REG3A: variants seen among roughly 807,000 people sequenced by gnomAD.
The protein encoded by REG3A is regenerating family member 3 alpha.
A neutral mutation model predicts 20.5 loss-of-function variants in REG3A; 15 were observed. The observed-to-expected ratio is 0.73, with a 90% CI of 0.49 to 1.12. The LOEUF (loss-of-function observed/expected upper bound fraction) is 1.12. Ranked by LOEUF, REG3A falls within the 50% of genes most tolerant of loss-of-function variation. The probability of loss-of-function intolerance (pLI) is 0.00; values close to 1 mark genes in which losing one functional copy is unlikely to be tolerated. For missense variants in REG3A, 224 were observed against 213.1 expected (o/e 1.05, Z -0.32); for synonymous variants, 93 against 83.2 (o/e 1.12, Z -0.64).
At chr2:79,157,991 T>C (rs1673353660) in intron 4 of REG3A, among the ~76,000 whole-genome samples, 1 of 152,212 alleles carries the variant, frequency 6.6e-6, no homozygotes, top group Non-Finnish European at 1.5e-5. Flanking sequence ...GTCAGTTCTG[T>C]ATGGGGACAA....
In REG3A at chr2:79,159,410, T is replaced by C. The variant is rs746611738; in HGVS notation, c.-5A>G. 3.1e-6 allele frequency: 5 copies of C among 1,613,448 alleles called. No individual in the cohort carries two copies. The highest frequency in any genetic ancestry group is 3.3e-5 in the Admixed American group (2 of 59,918). ...CAGGGCCATGGGAGGCAGCATAGTG[T>C]CTGCGACTTGAGGAGGCAATCAGGA... On this transcript the variant is annotated 5_prime_UTR_variant, in exon 2 of 6. Transcript: ENST00000305165.
At chr2:79,159,114 A>C in intron 2 of REG3A, 1 of 600,286 alleles carries the variant, frequency 1.7e-6, no homozygotes, top group Non-Finnish European at 3.0e-6. Flanking sequence ...ATTAGAGTCC[A>C]CTGACTAAAT....
intron 1 of REG3A, 94 bp from the exon 2 acceptor site, chr2:79,159,533 G>A: frequency 1.2e-6 from 1 of 860,408 alleles, no homozygotes; most frequent in East Asian, 2.6e-5. Flanking sequence ...AGTGATCTTG[G>A]TCACATCCAT....
chr2:79,157,154 TGAGTC>T lies in REG3A; in HGVS notation c.*67_*71del. On this transcript the variant is annotated 3_prime_UTR_variant, in exon 6 of 6. Coordinates refer to ENST00000305165, the MANE Select transcript of REG3A (RefSeq NM_002580.3). Reference sequence around the variant, plus strand: ...ATTAAGCGAATATTCTCTTCCAGGGTGAGTCCTCACACTGGTCTCATGCCCATGAT... The same window carrying T: ...ATTAAGCGAATATTCTCTTCCAGGGTCTCACACTGGTCTCATGCCCATGAT... 6 of 1,154,824 alleles carry T rather than the reference TGAGTC, an allele frequency of 5.2e-6. No homozygotes were observed. The highest frequency in any genetic ancestry group is 1.9e-4 in the Middle Eastern group (1 of 5,144). 71.5% of individuals were successfully genotyped at this position (1,154,824 alleles called of 1,614,324 possible).
At chr2:79,158,486 G>T (rs1334409274) in intron 3 of REG3A, 23 bp from the exon 4 acceptor site, 3 of 1,613,616 alleles carry the variant, frequency 1.9e-6, no homozygotes, top group Non-Finnish European at 1.7e-6. Context: ...CAAAGAGAAT[G>T]AGAGGGAGCC....
intron 2 of REG3A, 93 bp downstream of exon 2, chr2:79,159,237 G>T: frequency 1.5e-6 from 2 of 1,360,292 alleles, no homozygotes; most frequent in Non-Finnish European, 2.1e-6. Context: ...TAGACACCAC[G>T]TCATTACCTC....
At position 79,159,025 on chromosome 2, in the gene REG3A, T is replaced by C. The variant is rs140820070; in HGVS notation, c.77-256A>G. 3.8e-5 allele frequency: 22 copies of C among 578,924 alleles called. No homozygotes were observed. In the East Asian group the frequency reaches 5.8e-4, roughly 15 times the overall value. 35.9% of individuals were successfully genotyped at this position (578,924 alleles called of 1,614,324 possible). Reference sequence around the variant, plus strand: ...CACTCTGGGCTGTCTCTACATTGGGTCCTCCAATCATTGTCCCTCCCCACA... The same window carrying C: ...CACTCTGGGCTGTCTCTACATTGGGCCCTCCAATCATTGTCCCTCCCCACA... On this transcript the variant is annotated intron_variant, in intron 2 of 5. Transcript: ENST00000305165.
In REG3A at chr2:79,158,669, T is replaced by A. The variant is rs1399918229; in HGVS notation, c.177A>T (p.Lys59Asn). The change falls in exon 3 of 6, where the codon AAA (lysine) becomes AAT (asparagine). Residue 59 changes from lysine to asparagine, a missense_variant. Lys to Asn is a moderately conservative substitution (Grantham distance 94). Transcript: ENST00000305165. ...SHCYALFLSP[K>N]SWTDADLACQ... ...CACTCACATCTGCATCTGTCCAGGATTTTGGTGACAAAAACAAGGCATAGC... is the reference window on the plus strand; with the variant it reads ...CACTCACATCTGCATCTGTCCAGGAATTTGGTGACAAAAACAAGGCATAGC... The A allele has an allele frequency of 1.2e-6, 2 of 1,614,006 alleles. No individual in the cohort carries two copies. Among genetic ancestry groups the A allele is most frequent in the South Asian group, 2.2e-5 (2 of 91,088 alleles).
At chr2:79,157,952 G>A (rs1673353010) in intron 4 of REG3A, among the ~76,000 whole-genome samples, 2 of 152,220 alleles carry the variant, frequency 1.3e-5, no homozygotes, top group Non-Finnish European at 2.9e-5. Context: ...TGTAGCATTT[G>A]TGATTAGCTT....
Position 79,157,020 on chromosome 2 carries a change from T to G in REG3A, c.*206A>C. ...AGACAAACAAGTGCAGACTAAAAAT[T>G]TTATTGCTCTTTAAAGCCTTAGGCC... On this transcript the variant is annotated 3_prime_UTR_variant, in exon 6 of 6. Coordinates refer to ENST00000305165, the MANE Select transcript of REG3A (RefSeq NM_002580.3). 1 of 587,616 alleles carries G rather than the reference T, an allele frequency of 1.7e-6. No homozygotes were observed. Among genetic ancestry groups the G allele is most frequent in the African/African-American group, 1.9e-5 (1 of 53,732 alleles). 36.4% of individuals were successfully genotyped at this position (587,616 alleles called of 1,614,324 possible). A position where few individuals can be genotyped will look rare whatever the true frequency, so the allele number is the denominator to read the frequency against.
At position 79,159,038 on chromosome 2, in the gene REG3A, G is replaced by A. The variant is rs897501239; in HGVS notation, c.77-269C>T. 5 of 575,704 alleles carry A rather than the reference G, an allele frequency of 8.7e-6. No homozygotes were observed. In the African/African-American group the frequency reaches 9.4e-5, roughly 11 times the overall value. 35.7% of individuals were successfully genotyped at this position (575,704 alleles called of 1,614,324 possible). A position where few individuals can be genotyped will look rare whatever the true frequency, so the allele number is the denominator to read the frequency against. On this transcript the variant is annotated intron_variant, in intron 2 of 5. Transcript: ENST00000305165. ...CTCTACATTGGGTCCTCCAATCATTGTCCCTCCCCACATCTCATTACTGAC... is the reference window on the plus strand; with the variant it reads ...CTCTACATTGGGTCCTCCAATCATTATCCCTCCCCACATCTCATTACTGAC...
At position 79,158,730 on chromosome 2, in the gene REG3A, C is replaced by T. The variant is rs139201953; in HGVS notation, c.116G>A (p.Arg39His). ...PQRELPSARI[R>H]CPKGSKAYGS... ...ATAGGCCTTGGAGCCTTTGGGACAG[C>T]GGATCCGTGCAGAGGGCAGTTCCCT... The change falls in exon 3 of 6, where the codon CGC becomes CAC. Residue 39 changes from arginine (R) to histidine (H), a missense_variant. Physicochemically the swap from Arg to His is conservative, Grantham distance 29. Coordinates refer to ENST00000305165, the MANE Select transcript of REG3A (RefSeq NM_002580.3). 37 of 1,613,698 alleles carry T rather than the reference C, an allele frequency of 2.3e-5. No individual in the cohort carries two copies. The highest frequency in any genetic ancestry group is 2.1e-4 in the African/African-American group (16 of 74,798).
At chr2:79,157,828 G>A (rs776431521) in intron 4 of REG3A, 130 bp from the exon 5 acceptor site, 244 of 1,186,202 alleles carry the variant, frequency 2.1e-4, no homozygotes, top group Non-Finnish European at 2.5e-4. Flanking sequence ...AGATGCTGCC[G>A]GTGAGTAGGA....
rs771521067 is a variant in REG3A, at chr2:79,157,244, G to T, written c.510C>A (p.Val170=). 1 of 1,613,998 alleles carries T rather than the reference G, an allele frequency of 6.2e-7. No individual in the cohort carries two copies. Among genetic ancestry groups the T allele is most frequent in the Non-Finnish European group, 8.5e-7 (1 of 1,179,876 alleles). The change falls in exon 6 of 6, where the codon GTC becomes GTA. Residue 170 remains valine, a synonymous_variant. Coordinates refer to ENST00000305165, the MANE Select transcript of REG3A (RefSeq NM_002580.3). ...TCCTGCACTAGTCAGTGAACTTGCAGACATAGGGTAACCTCACATTACAGT... is the reference window on the plus strand; with the variant it reads ...TCCTGCACTAGTCAGTGAACTTGCATACATAGGGTAACCTCACATTACAGT... The part of the protein sequence containing the change: ...DYNCNVRLPY[V]CKFTD
intron 4 of REG3A, among the ~76,000 whole-genome samples, chr2:79,158,050 A>T (rs1270165385): frequency 6.6e-6 from 1 of 152,246 alleles, no homozygotes; most frequent in African/African-American, 2.4e-5. Flanking sequence ...GTAGGCAAAG[A>T]CTCCATGAAG....
intron 5 of REG3A, 123 bp downstream of exon 5, chr2:79,157,449 G>C: frequency 6.8e-7 from 1 of 1,469,404 alleles, no homozygotes; most frequent in Non-Finnish European, 9.4e-7. Context: ...GGAGAAGAGA[G>C]GAGATAAGAG....
chr2:79,159,013 C>T lies in REG3A; in HGVS notation c.77-244G>A, dbSNP rs561923597. On this transcript the variant is annotated intron_variant, in intron 2 of 5. Coordinates refer to ENST00000305165, the MANE Select transcript of REG3A (RefSeq NM_002580.3). ...CAATACTCTCCTCACTCTGGGCTGT[C>T]TCTACATTGGGTCCTCCAATCATTG... The T allele has an allele frequency of 3.5e-4, 201 of 581,808 alleles. 1 individual carries two copies. Among genetic ancestry groups the T allele is most frequent in the South Asian group, 1.5e-3 (69 of 47,436 alleles). 36.0% of individuals were successfully genotyped at this position (581,808 alleles called of 1,614,324 possible).
rs1435212109 is a variant in REG3A at position 79,159,457 on chromosome 2, A to C, written c.-34-18T>G. On this transcript the variant is annotated intron_variant, in intron 1 of 5. Coordinates refer to ENST00000305165, the MANE Select transcript of REG3A (RefSeq NM_002580.3). ...AGGAGTCACTAAAGAAAGCGTGGTC[A>C]GTGGGAGAACACACAGATACCCCAC... is the stretch of plus-strand genomic sequence containing the variant. The C allele has an allele frequency of 5.7e-6, 9 of 1,578,914 alleles. No homozygotes were observed. Among genetic ancestry groups the C allele is most frequent in the Admixed American group, 1.7e-5 (1 of 59,850 alleles).
chr2:79,157,978 AAT>A (rs1673353456), intron 4 of REG3A, among the ~76,000 whole-genome samples: 1 of 152,220 alleles, frequency 6.6e-6, no homozygotes, highest in African/African-American at 2.4e-5. Context: ...CCTCAAAAGT[AAT>A]GTCAGTTCTG....
Sources: allele counts gnomAD v4.1 joint callset (sites outside exome capture counted in the v4.1 genomes callset), GRCh38; gene constraint gnomAD v4.1.1; transcripts MANE v1.5; gene names NCBI Gene and HGNC (gene_info 2026-07-23, HGNC 2026-07-21).